The following LMO2 variants were observed in gnomAD, a reference collection of about 807,000 sequenced individuals.
LMO2 encodes LIM domain only 2.
LMO2 carries 20 observed loss-of-function variants against 23.2 expected under a neutral mutation model. The ratio of observed to expected loss-of-function variants is 0.86; its 90% CI spans 0.61 to 1.25. LMO2 has a LOEUF of 1.25. LMO2 is among the 50% of genes most tolerant of loss of function. The pLI, the probability that LMO2 is intolerant of heterozygous loss-of-function variation, is 0.00. For synonymous variants in LMO2, 123 were observed against 130.2 expected (o/e 0.94, Z 0.38); for missense variants, 270 against 315.3 (o/e 0.86, Z 1.09).
intron 1 of LMO2, among the ~76,000 whole-genome samples, chr11:33,884,303 C>T (rs573568587): frequency 6.6e-6 from 1 of 151,942 alleles, no homozygotes; most frequent in African/African-American, 2.4e-5. Context: ...GAGTGATCTG[C>T]TCCATTGGGG....
At chr11:33,890,334 A>C (rs1857514744) in intron 1 of LMO2, among the ~76,000 whole-genome samples, 1 of 151,954 alleles carries the variant, frequency 6.6e-6, no homozygotes, top group African/African-American at 2.4e-5. Context: ...GTTCCCCATA[A>C]ATTTATGTAA....
At chr11:33,862,859 T>C (rs1179415901) in intron 5 of LMO2, among the ~76,000 whole-genome samples, 3 of 152,156 alleles carry the variant, frequency 2.0e-5, no homozygotes, top group Non-Finnish European at 4.4e-5. Context: ...GCAGAGTTAA[T>C]TAACATGTTG....
intron 4 of LMO2, among the ~76,000 whole-genome samples, chr11:33,868,479 C>G (rs1449683171): frequency 6.6e-6 from 1 of 152,138 alleles, no homozygotes; most frequent in African/African-American, 2.4e-5. Flanking sequence ...TTTGCGTTGA[C>G]AGGAAAATGA....
Position 33,858,663 on chromosome 11 carries a change from T to C in LMO2, c.*693A>G, listed in dbSNP as rs536076501. 1.6e-5 allele frequency: 3 copies of C among 187,798 alleles called. No homozygotes were observed. Among genetic ancestry groups the C allele is most frequent in the African/African-American group, 4.7e-5 (2 of 42,800 alleles). The allele number at this position is 187,798 out of a possible 1,614,324, so 11.6% of individuals were successfully genotyped here. A position where few individuals can be genotyped will look rare whatever the true frequency, so the allele number is the denominator to read the frequency against. ...TTTGATATAATCTAGGATAATAAAA[T>C]AGTTGAACAACTTTTTAAGATTTAT... On this transcript the variant is annotated 3_prime_UTR_variant, in exon 6 of 6. Coordinates refer to ENST00000257818, the MANE Select transcript of LMO2 (RefSeq NM_005574.4).
At chr11:33,888,842 T>C (rs577804906) in intron 1 of LMO2, among the ~76,000 whole-genome samples, 5 of 152,222 alleles carry the variant, frequency 3.3e-5, no homozygotes, top group African/African-American at 7.2e-5. Context: ...CTGCTGTGTA[T>C]GAGGCGCCCA....
intron 2 of LMO2, among the ~76,000 whole-genome samples, chr11:33,879,345 C>G (rs958790741): frequency 1.1e-4 from 17 of 151,986 alleles, no homozygotes; most frequent in Middle Eastern, 3.4e-3. Flanking sequence ...ATAGGCCGGG[C>G]ACTGTGGCTC....
intron 1 of LMO2, among the ~76,000 whole-genome samples, chr11:33,884,769 G>A (rs761814782): frequency 1.2e-4 from 19 of 152,154 alleles, no homozygotes; most frequent in African/African-American, 3.9e-4. Flanking sequence ...ATTTATCCAC[G>A]TCCAGCAGGA....
chr11:33,868,288 G>A (rs1856859552), intron 4 of LMO2, among the ~76,000 whole-genome samples: 1 of 152,186 alleles, frequency 6.6e-6, no homozygotes, highest in South Asian at 2.1e-4. Flanking sequence ...AAGCAGGAAA[G>A]CACAATTCTT....
chr11:33,869,648 G>A (rs1856939244), intron 3 of LMO2, 62 bp from the exon 4 acceptor site: 1 of 1,260,006 alleles, frequency 7.9e-7, no homozygotes, highest in Non-Finnish European at 1.0e-6. Context: ...GCCGAGGCGG[G>A]GGCCGGGGCG....
intron 2 of LMO2, among the ~76,000 whole-genome samples, chr11:33,878,681 T>C (rs535413305): frequency 6.6e-5 from 10 of 152,210 alleles, no homozygotes; most frequent in Non-Finnish European, 1.0e-4. Context: ...TCAAGCTACA[T>C]CTTTACCCTG....
intron 1 of LMO2, among the ~76,000 whole-genome samples, chr11:33,887,485 G>A (rs1332737687): frequency 2.6e-5 from 4 of 151,664 alleles, no homozygotes; most frequent in Non-Finnish European, 4.4e-5. Context: ...GGTGGGAAAC[G>A]TAAATGCAGC....
At chr11:33,866,812 A>AT (rs1856803099) in intron 4 of LMO2, among the ~76,000 whole-genome samples, 3 of 151,964 alleles carry the variant, frequency 2.0e-5, no homozygotes, top group African/African-American at 4.8e-5. Flanking sequence ...GGCCCAGCTA[A>AT]TTTTTTTTAT....
At chr11:33,859,891 A>C (rs1856506924) in intron 5 of LMO2, among the ~76,000 whole-genome samples, 2 of 152,078 alleles carry the variant, frequency 1.3e-5, no homozygotes, top group South Asian at 4.1e-4. Context: ...GATGTGATCT[A>C]TCATAAGGAG....
At position 33,860,684 on chromosome 11, in the gene LMO2, G is replaced by T. The variant is rs183295709; in HGVS notation, c.465-1109C>A. On this transcript the variant is annotated intron_variant, in intron 5 of 5. Coordinates refer to ENST00000257818, the MANE Select transcript of LMO2 (RefSeq NM_005574.4). ...ACTTGGGAGGCTGAGGTGGGAGGAT[G>T]GCTTTAGCCCGGGAGGTGGAGGTTG... Among the ~76,000 whole-genome samples, 10 of 152,248 alleles carry T rather than the reference G, an allele frequency of 6.6e-5. No homozygotes were observed. The East Asian group carries it at 1.5e-3, about 24-fold the overall frequency.
At chr11:33,888,574 C>T (rs760282393) in intron 1 of LMO2, among the ~76,000 whole-genome samples, 6 of 152,188 alleles carry the variant, frequency 3.9e-5, no homozygotes, top group Non-Finnish European at 7.3e-5. Context: ...CATTCTTCCC[C>T]AGATGTGAGT....
At chr11:33,867,140 G>A (rs1856818102) in intron 4 of LMO2, among the ~76,000 whole-genome samples, 1 of 152,202 alleles carries the variant, frequency 6.6e-6, no homozygotes, top group Non-Finnish European at 1.5e-5. Context: ...TTACTCACAG[G>A]GGAGGCAGTG....
In LMO2 at chr11:33,869,943, A is replaced by C; in HGVS notation, c.-227T>G. ...GCTTCCTCCTCTCTCGGGAAGGTCTATTTTCGCTCAGCTTCCCTCTGTCTC... is the reference window on the plus strand; with the variant it reads ...GCTTCCTCCTCTCTCGGGAAGGTCTCTTTTCGCTCAGCTTCCCTCTGTCTC... On this transcript the variant is annotated 5_prime_UTR_variant, in exon 3 of 6. Transcript: ENST00000257818. 1 of 1,043,504 alleles carries C rather than the reference A, an allele frequency of 9.6e-7. No individual in the cohort carries two copies. The highest frequency in any genetic ancestry group is 1.2e-6 in the Non-Finnish European group (1 of 867,482). The allele number at this position is 1,043,504 out of a possible 1,614,324, so 64.6% of individuals were successfully genotyped here. A position where few individuals can be genotyped will look rare whatever the true frequency, so the allele number is the denominator to read the frequency against.
intron 2 of LMO2, among the ~76,000 whole-genome samples, chr11:33,879,826 G>A (rs1428733318): frequency 6.6e-6 from 1 of 152,182 alleles, no homozygotes; most frequent in African/African-American, 2.4e-5. Context: ...CCATTAGGAT[G>A]GCTAATGCAC....
intron 1 of LMO2, among the ~76,000 whole-genome samples, chr11:33,891,382 CACACACAT>C (rs55894075): frequency 0.39 from 55,133 of 140,480 alleles, 10,699 homozygotes; most frequent in East Asian, 0.48. Flanking sequence ...CACACACACA[CACACACAT>C]GCACACACAC....
Sources: gnomAD v4.1 joint callset for allele counts (sites outside exome capture counted in the v4.1 genomes callset) on GRCh38, gnomAD v4.1.1 for gene constraint, MANE v1.5 for transcripts, NCBI Gene and HGNC (gene_info 2026-07-23, HGNC 2026-07-21) for gene names.